The following DCLK2 variants were observed in gnomAD, a reference collection of about 807,000 sequenced individuals.
DCLK2 encodes the protein doublecortin like kinase 2.
DCLK2 carries 31 observed loss-of-function variants against 78.4 expected under a neutral mutation model. The ratio of observed to expected loss-of-function variants is 0.40; its 90% CI spans 0.30 to 0.53. DCLK2 has a LOEUF of 0.53. Ranked by LOEUF, DCLK2 falls within the 20% of genes least tolerant of loss-of-function variation. The pLI, the probability that DCLK2 is intolerant of heterozygous loss-of-function variation, is 0.61. For missense variants in DCLK2, 872 were observed against 973.7 expected (o/e 0.90, Z 1.39); for synonymous variants, 407 against 374.9 (o/e 1.09, Z -0.99).
rs775886856 is a variant in DCLK2 at position 150,079,237 on chromosome 4, G to A, written c.210G>A (p.Lys70=). ...TGCAGGCCCTCAGCTCGGAGAAGAA[G>A]GCCAAGAAGGCGCGCTTCTACCGGA... The part of the protein sequence containing the change: ...RTLQALSSEK[K]AKKARFYRNG... Residue 70 remains lysine, a synonymous_variant, in exon 1 of 16, where the codon AAG becomes AAA. Coordinates refer to ENST00000296550, the MANE Select transcript of DCLK2 (RefSeq NM_001040260.4). The A allele has an allele frequency of 6.2e-7, 1 of 1,609,544 alleles. No homozygotes were observed. The highest frequency in any genetic ancestry group is 1.7e-5 in the Admixed American group (1 of 59,494).
At chr4:150,227,016 A>G (rs562802486) in intron 8 of DCLK2, among the ~76,000 whole-genome samples, 3 of 152,378 alleles carry the variant, frequency 2.0e-5, no homozygotes, top group African/African-American at 7.2e-5. Flanking sequence ...TTGGATATAT[A>G]GGAACTTTGC....
At chr4:150,180,629 T>C (rs1737439630) in intron 2 of DCLK2, among the ~76,000 whole-genome samples, 1 of 152,096 alleles carries the variant, frequency 6.6e-6, no homozygotes, top group African/African-American at 2.4e-5. Flanking sequence ...TTTGCTCTAT[T>C]GGGGCGCAGA....
At chr4:150,108,674 A>G (rs1454498874) in intron 2 of DCLK2, among the ~76,000 whole-genome samples, 1 of 152,228 alleles carries the variant, frequency 6.6e-6, no homozygotes, top group African/African-American at 2.4e-5. Flanking sequence ...ATAATAAAAT[A>G]CAGCAAGGAG....
At chr4:150,238,471 A>G (rs1742670602) in intron 10 of DCLK2, among the ~76,000 whole-genome samples, 1 of 152,194 alleles carries the variant, frequency 6.6e-6, no homozygotes, top group Admixed American at 6.5e-5. Flanking sequence ...AAAGGTTATA[A>G]TTGATATAAA....
In DCLK2 at chr4:150,234,623, A is replaced by G. The variant is rs184938285; in HGVS notation, c.1566+1795A>G. Among the ~76,000 whole-genome samples, 1,026 of 152,306 alleles carry G rather than the reference A, an allele frequency of 6.7e-3. 5 individuals are homozygous for G. The highest frequency in any genetic ancestry group is 0.023 in the South Asian group (113 of 4,834). ...GTACCCGTCTTTTCTTTTTGGTAAT[A>G]TCATTTGATGATTTCTGAGTATCCA... is the stretch of plus-strand genomic sequence containing the variant. On this transcript the variant is annotated intron_variant, in intron 10 of 15. Transcript: ENST00000296550.
chr4:150,116,359 G>T (rs1732089056), intron 2 of DCLK2, among the ~76,000 whole-genome samples: 1 of 152,204 alleles, frequency 6.6e-6, no homozygotes, highest in African/African-American at 2.4e-5. Context: ...TAGAGGTGCA[G>T]ACTTTCCCTG....
rs13152819 is a variant in DCLK2 at position 150,256,188 on chromosome 4, C to T, written c.2242C>T (p.Pro748Ser). ...PTPPESPTPH[P>S]PPAAPGGERA... is the part of the protein sequence containing the mutation. ...CCCTCCGGAATCTCCCACCCCCCAC[C>T]CTCCTCCCGCTGCCCCGGGTGGTGA... is the stretch of plus-strand genomic sequence containing the variant. The change falls in exon 16 of 16, where the codon CCT (proline) becomes TCT (serine). Residue 748 changes from proline to serine, a missense_variant. Physicochemically the swap from Pro to Ser is moderately conservative, Grantham distance 74. Around this residue, in one of 3 missense-constraint regions of DCLK2, gnomAD observed 219 missense variants for 230.1 expected, o/e 0.95. Coordinates refer to ENST00000296550, the MANE Select transcript of DCLK2 (RefSeq NM_001040260.4). 1,440,001 of 1,539,566 alleles carry T rather than the reference C, an allele frequency of 0.94. 675,135 individuals carry two copies. The highest frequency in any genetic ancestry group is 0.95 in the Middle Eastern group (4,143 of 4,356).
intron 14 of DCLK2, among the ~76,000 whole-genome samples, chr4:150,248,786 A>C (rs1743519346): frequency 6.6e-6 from 1 of 152,084 alleles, no homozygotes; most frequent in Admixed American, 6.5e-5. Context: ...ACGTGCTCTC[A>C]GGAGACCTCT....
At chr4:150,204,035 C>G (rs1333353115) in intron 5 of DCLK2, 146 bp downstream of exon 5, 1 of 685,934 alleles carries the variant, frequency 1.5e-6, no homozygotes, top group Non-Finnish European at 2.4e-6. Flanking sequence ...GACTTCGAAT[C>G]CTGTGTACTG....
In DCLK2 at chr4:150,201,095, G is replaced by A. The variant is rs187019574; in HGVS notation, c.962-2700G>A. On this transcript the variant is annotated intron_variant, in intron 4 of 15. Coordinates refer to ENST00000296550, the MANE Select transcript of DCLK2 (RefSeq NM_001040260.4). ...AGCCTCCCAAAGTGCTGGGATTACA[G>A]ACATGAGCCACCATGCCCGGCCATT... is the stretch of plus-strand genomic sequence containing the variant. Among the ~76,000 whole-genome samples, 6 of 152,330 alleles carry A rather than the reference G, an allele frequency of 3.9e-5. No individual in the cohort carries two copies. In the South Asian group the frequency reaches 8.3e-4, roughly 21 times the overall value.
chr4:150,248,170 C>T (rs957534734), intron 13 of DCLK2, 135 bp from the exon 14 acceptor site: 5 of 688,622 alleles, frequency 7.3e-6, no homozygotes, highest in South Asian at 3.6e-5. Context: ...GGTATAATCA[C>T]GTTTAGGTTT....
chr4:150,252,562 C>A (rs959671370), intron 15 of DCLK2, among the ~76,000 whole-genome samples: 1 of 152,314 alleles, frequency 6.6e-6, no homozygotes, highest in Admixed American at 6.5e-5. Flanking sequence ...ATTAGCTGTT[C>A]TACAGGCTCT....
chr4:150,157,572 G>T (rs998090337), intron 2 of DCLK2, among the ~76,000 whole-genome samples: 16 of 150,450 alleles, frequency 1.1e-4, no homozygotes, highest in African/African-American at 3.9e-4. Context: ...GAGTGCAGTG[G>T]TGTGATCTCG....
intron 2 of DCLK2, among the ~76,000 whole-genome samples, chr4:150,170,671 C>T (rs1560830123): frequency 6.6e-6 from 1 of 152,278 alleles, no homozygotes; most frequent in South Asian, 2.1e-4. Context: ...TCTTCCTTTC[C>T]CCTAGGGGGA....
intron 12 of DCLK2, among the ~76,000 whole-genome samples, chr4:150,245,661 T>C (rs1188063018): frequency 6.6e-6 from 1 of 152,336 alleles, no homozygotes; most frequent in African/African-American, 2.4e-5. Flanking sequence ...AATGATGGTT[T>C]CCAGCTTCAT....
At chr4:150,096,872 G>A (rs1330278470) in intron 1 of DCLK2, among the ~76,000 whole-genome samples, 1 of 152,172 alleles carries the variant, frequency 6.6e-6, no homozygotes, top group African/African-American at 2.4e-5. Flanking sequence ...GTGAATGGAA[G>A]CCAAAAGCAC....
intron 2 of DCLK2, among the ~76,000 whole-genome samples, chr4:150,120,191 A>G (rs556565465): frequency 7.2e-5 from 11 of 152,354 alleles, no homozygotes; most frequent in African/African-American, 2.6e-4. Context: ...ACAGGAAAAT[A>G]TTTAGTCCAG....
chr4:150,155,297 C>CA (rs1459600540), intron 2 of DCLK2, among the ~76,000 whole-genome samples: 6 of 152,188 alleles, frequency 3.9e-5, no homozygotes, highest in Admixed American at 3.9e-4. Flanking sequence ...AGGTTGAACT[C>CA]ACCAGCATTA....
At chr4:150,185,787 A>G (rs1025884470) in intron 2 of DCLK2, among the ~76,000 whole-genome samples, 2 of 152,194 alleles carry the variant, frequency 1.3e-5, no homozygotes, top group African/African-American at 4.8e-5. Flanking sequence ...TTTAATAGAT[A>G]CCAAATAGGG....
Sources: allele counts gnomAD v4.1 joint callset (sites outside exome capture counted in the v4.1 genomes callset), GRCh38; gene constraint gnomAD v4.1.1; regional missense constraint gnomAD v4.1.1; transcripts MANE v1.5; gene names NCBI Gene and HGNC (gene_info 2026-07-23, HGNC 2026-07-21).